Variants in GRIP1 observed in about 807,000 individuals in gnomAD.
GRIP1 encodes the protein glutamate receptor interacting protein 1, also known as glutamate receptor-interacting protein 1.
In GRIP1, 45 loss-of-function variants were observed where a neutral mutation model predicts 129.9. The observed-to-expected ratio is 0.35, with a 90% CI of 0.27 to 0.44. The LOEUF is 0.44. Among genes scored for constraint, GRIP1 ranks in the 20% least tolerant of loss-of-function variants. The probability of loss-of-function intolerance (pLI) is 1.00; values close to 1 mark genes in which losing one functional copy is unlikely to be tolerated. For missense variants in GRIP1, 1,196 were observed against 1,396.8 expected, an observed-to-expected ratio of 0.86 and a Z score of 2.29; for synonymous variants, 530 against 520.8, an observed-to-expected ratio of 1.02 and a Z score of -0.24.
chr12:66,754,545 T>G (rs924152086), intron 1 of GRIP1, among the ~76,000 whole-genome samples: 3 of 152,198 alleles, frequency 2.0e-5, no homozygotes, highest in Admixed American at 6.5e-5. Flanking sequence ...CTATGAGCCA[T>G]TCTGACTCCT....
At chr12:66,512,136 A>G (rs1291202794) in intron 7 of GRIP1, among the ~76,000 whole-genome samples, 1 of 152,154 alleles carries the variant, frequency 6.6e-6, no homozygotes, top group East Asian at 1.9e-4. Context: ...TTGTGGGTCA[A>G]TTAAACCTCT....
intron 16 of GRIP1, among the ~76,000 whole-genome samples, chr12:66,404,398 G>A (rs892327835): frequency 1.3e-5 from 2 of 152,118 alleles, no homozygotes; most frequent in Non-Finnish European, 2.9e-5. Context: ...ATTATATACA[G>A]TAGACGTTCT....
chr12:66,419,898 C>A (rs2057743191), intron 15 of GRIP1, among the ~76,000 whole-genome samples: 1 of 152,200 alleles, frequency 6.6e-6, no homozygotes, highest in Non-Finnish European at 1.5e-5. Context: ...GAGTTTGAGA[C>A]CAGCCTAGCC....
chr12:66,676,483 A>G (rs1000061501), intron 1 of GRIP1, among the ~76,000 whole-genome samples: 1 of 152,182 alleles, frequency 6.6e-6, no homozygotes, highest in African/African-American at 2.4e-5. Flanking sequence ...GGCCTAATAA[A>G]GCTCTTGAAG....
At chr12:66,531,252 A>AATATATATAT (rs71069009) in intron 4 of GRIP1, among the ~76,000 whole-genome samples, 12 of 19,448 alleles carry the variant, frequency 6.2e-4, no homozygotes, top group Non-Finnish European at 9.0e-4. Flanking sequence ...AAAAAAAAAA[A>AATATATATAT]ATATATATAT....
intron 1 of GRIP1, among the ~76,000 whole-genome samples, chr12:66,963,324 T>G (rs537732092): frequency 6.6e-6 from 1 of 151,976 alleles, no homozygotes; most frequent in South Asian, 2.1e-4. Flanking sequence ...AAAAAATAAA[T>G]AAATAAAAAT....
At chr12:66,741,184 C>CT (rs983882086) in intron 1 of GRIP1, among the ~76,000 whole-genome samples, 1 of 152,084 alleles carries the variant, frequency 6.6e-6, no homozygotes, top group South Asian at 2.1e-4. Flanking sequence ...CTCCTAAGTG[C>CT]TTTTTGTATA....
intron 1 of GRIP1, among the ~76,000 whole-genome samples, chr12:66,838,678 G>A (rs1196924611): frequency 6.6e-6 from 1 of 152,200 alleles, no homozygotes; most frequent in Non-Finnish European, 1.5e-5. Flanking sequence ...GGGGCACAAT[G>A]TACTTTGATT....
chr12:66,578,639 G>A (rs570011111), intron 2 of GRIP1, among the ~76,000 whole-genome samples: 58 of 152,324 alleles, frequency 3.8e-4, no homozygotes, highest in East Asian at 1.2e-3. Context: ...CTATGCCCAC[G>A]GAGTCTCGCT....
chr12:66,969,014 G>T (rs924110774), intron 1 of GRIP1, among the ~76,000 whole-genome samples: 9 of 151,966 alleles, frequency 5.9e-5, no homozygotes, highest in Admixed American at 4.6e-4. Flanking sequence ...GTTGATGAGG[G>T]TTTATTTTTC....
At chr12:66,934,139 ACTT>A (rs536772605) in intron 1 of GRIP1, among the ~76,000 whole-genome samples, 5 of 152,182 alleles carry the variant, frequency 3.3e-5, no homozygotes, top group South Asian at 2.1e-4. Context: ...TGATGTGATC[ACTT>A]CTTCTTTTTT....
In GRIP1 at chr12:66,534,119, G is replaced by A. The variant is rs61928465; in HGVS notation, c.419-4205C>T. Among the ~76,000 whole-genome samples, 1,054 of 152,154 alleles carry A rather than the reference G, an allele frequency of 6.9e-3. 16 individuals carry two copies. The highest frequency in any genetic ancestry group is 0.024 in the African/African-American group (1,013 of 41,504). ...TCAACCACTCTCAACTCAAGTATCC[G>A]ATTACTTTCTTCAAATATAGTAGAA... On this transcript the variant is annotated intron_variant, in intron 4 of 24. Coordinates refer to ENST00000359742, the MANE Select transcript of GRIP1 (RefSeq NM_001366722.1).
At chr12:66,582,892 A>G (rs2139633654) in intron 2 of GRIP1, among the ~76,000 whole-genome samples, 1 of 148,204 alleles carries the variant, frequency 6.7e-6, no homozygotes, top group East Asian at 2.0e-4. Flanking sequence ...TCTTCACAGA[A>G]TTGGAAAAAA....
At chr12:66,985,909 T>C (rs1757149610) in intron 1 of GRIP1, among the ~76,000 whole-genome samples, 2 of 152,344 alleles carry the variant, frequency 1.3e-5, no homozygotes, top group South Asian at 2.1e-4. Flanking sequence ...GATTTCATTC[T>C]GATTAAAAGT....
intron 1 of GRIP1, among the ~76,000 whole-genome samples, chr12:66,717,668 G>C (rs1312276489): frequency 6.6e-6 from 1 of 152,114 alleles, no homozygotes; most frequent in Non-Finnish European, 1.5e-5. Flanking sequence ...GACTCTCTCT[G>C]TCTGCTTAGG....
intron 1 of GRIP1, among the ~76,000 whole-genome samples, chr12:66,952,370 AAAATAT>A (rs2041771773): frequency 6.6e-6 from 1 of 152,234 alleles, no homozygotes; most frequent in Admixed American, 6.5e-5. Context: ...AGATCCTGGT[AAAATAT>A]AAATATAAAT....
intron 1 of GRIP1, among the ~76,000 whole-genome samples, chr12:66,674,342 C>T (rs555635215): frequency 1.8e-4 from 27 of 152,202 alleles, no homozygotes; most frequent in Non-Finnish European, 1.3e-4. Context: ...AGGTTTGGAA[C>T]ACTGATACTG....
At chr12:66,415,804 C>A (rs1320153718) in intron 15 of GRIP1, among the ~76,000 whole-genome samples, 1 of 152,108 alleles carries the variant, frequency 6.6e-6, no homozygotes, top group Non-Finnish European at 1.5e-5. Context: ...TTATCCTCAG[C>A]AAACTAACAC....
At chr12:66,377,391 A>G (rs973796324) in intron 20 of GRIP1, 106 bp from the exon 21 acceptor site, 4 of 775,942 alleles carry the variant, frequency 5.2e-6, no homozygotes, top group African/African-American at 3.4e-5. Context: ...GCAGTGGCGC[A>G]ATCTCGGCTC....
Sources: gnomAD v4.1 joint callset for allele counts (sites outside exome capture counted in the v4.1 genomes callset) on GRCh38, gnomAD v4.1.1 for gene constraint, MANE v1.5 for transcripts, NCBI Gene and HGNC (gene_info 2026-07-23, HGNC 2026-07-21) for gene names.